Variants in RGS7 observed in about 807,000 individuals in gnomAD.
The protein encoded by RGS7 is regulator of G-protein signaling 7.
Under a neutral mutation model 81.1 loss-of-function variants are expected in RGS7, and 27 were observed. The observed-to-expected ratio is 0.33, with a 90% CI of 0.25 to 0.46. RGS7 has a LOEUF of 0.46. Among genes scored for constraint, RGS7 ranks in the 20% least tolerant of loss-of-function variants. RGS7 has a pLI of 1.00. For synonymous variants in RGS7, 208 were observed against 207.7 expected, an observed-to-expected ratio of 1.00 and a Z score of -0.01; for missense variants, 396 against 607.4, an observed-to-expected ratio of 0.65 and a Z score of 3.66.
chr1:241,340,115 C>A (rs1180769656), intron 2 of RGS7, among the ~76,000 whole-genome samples: 1 of 152,124 alleles, frequency 6.6e-6, no homozygotes, highest in Non-Finnish European at 1.5e-5. Context: ...TTGTTGGAAT[C>A]CATTCAAATT....
chr1:241,288,153 T>C (rs10926454), intron 2 of RGS7, among the ~76,000 whole-genome samples: 18,793 of 152,280 alleles, frequency 0.12, 1,299 homozygotes, highest in Middle Eastern at 0.17. Context: ...TTGTGAAGTT[T>C]TTGGCAATGC....
At chr1:241,261,189 A>G (rs2077314456) in intron 2 of RGS7, among the ~76,000 whole-genome samples, 1 of 152,174 alleles carries the variant, frequency 6.6e-6, no homozygotes, top group South Asian at 2.1e-4. Context: ...AGATTAGGAC[A>G]GGCACTGGGG....
At chr1:241,022,289 G>T (rs647186) in intron 3 of RGS7, among the ~76,000 whole-genome samples, 2 of 151,878 alleles carry the variant, frequency 1.3e-5, no homozygotes, top group Admixed American at 6.6e-5. Context: ...TTCATTCCTG[G>T]GTGTAGAGTG....
chr1:240,854,810 T>C (rs1335055911), intron 9 of RGS7, among the ~76,000 whole-genome samples: 2 of 151,892 alleles, frequency 1.3e-5, no homozygotes, highest in African/African-American at 4.8e-5. Flanking sequence ...TCACATCCCC[T>C]CCCCGGCCTA....
chr1:240,973,684 G>A (rs999349280), intron 4 of RGS7, among the ~76,000 whole-genome samples: 1 of 151,862 alleles, frequency 6.6e-6, no homozygotes. Context: ...CCGCCTTCTG[G>A]GTTCACGCCA....
At chr1:241,196,359 G>T (rs940460808) in intron 2 of RGS7, among the ~76,000 whole-genome samples, 6 of 151,804 alleles carry the variant, frequency 4.0e-5, no homozygotes, top group Non-Finnish European at 7.4e-5. Context: ...TATTCAAGAA[G>T]AAGTAAATTT....
At position 240,805,640 on chromosome 1, in the gene RGS7, AT is replaced by A. The variant is rs965309988; in HGVS notation, c.1269+499del. ...AAGAAATGTCAGAATCTAATGTTTG[AT>A]TTTTTTTTTCACCAGAGATAAAACT... On this transcript the variant is annotated intron_variant, in intron 15 of 18. Coordinates refer to ENST00000440928, the MANE Select transcript of RGS7 (RefSeq NM_001364886.1). Among the ~76,000 whole-genome samples, 87 of 150,286 alleles carry A rather than the reference AT, an allele frequency of 5.8e-4. No individual in the cohort carries two copies. In the Middle Eastern group the frequency reaches 0.01, roughly 18 times the overall value.
intron 2 of RGS7, among the ~76,000 whole-genome samples, chr1:241,130,965 T>C (rs887359842): frequency 1.3e-5 from 2 of 150,292 alleles, no homozygotes; most frequent in Admixed American, 6.6e-5. Context: ...CAGATAATTC[T>C]ACTCTGGAAG....
In RGS7 at chr1:240,960,206, C is replaced by CTCT. The variant is rs1553367157; in HGVS notation, c.226+22870_226+22872dup. ...TATTGATTTGCTTTTCTTCTTCTTC[C>CTCT]TCTTCTTCTTCTTTTTTTTTTTTTT... is the stretch of plus-strand genomic sequence containing the variant. On this transcript the variant is annotated intron_variant, in intron 4 of 18. Transcript: ENST00000440928. Among the ~76,000 whole-genome samples the CTCT allele has an allele frequency of 3.4e-3, 223 of 65,462 alleles. 89 individuals are homozygous for CTCT. The highest frequency in any genetic ancestry group is 0.024 in the Middle Eastern group (2 of 82). The allele number at this position is 65,462 out of a possible 152,430, so 42.9% of individuals were successfully genotyped here. A position where few individuals can be genotyped will look rare whatever the true frequency, so the allele number is the denominator to read the frequency against.
intron 2 of RGS7, among the ~76,000 whole-genome samples, chr1:241,127,794 G>A (rs2066775565): frequency 6.6e-6 from 1 of 152,156 alleles, no homozygotes; most frequent in African/African-American, 2.4e-5. Context: ...GTATATAGAT[G>A]TATGTATTTG....
At chr1:241,047,733 C>CTTTTTTT (rs34738551) in intron 3 of RGS7, among the ~76,000 whole-genome samples, 166 of 89,502 alleles carry the variant, frequency 1.9e-3, no homozygotes, top group Non-Finnish European at 2.1e-3. Flanking sequence ...GTTTACAATC[C>CTTTTTTT]TTTTTTTTTT....
chr1:241,116,414 T>C (rs1294494384), intron 2 of RGS7, among the ~76,000 whole-genome samples: 3 of 152,130 alleles, frequency 2.0e-5, no homozygotes, highest in African/African-American at 7.2e-5. Flanking sequence ...GTTTTTCTAT[T>C]AGTGTGAATT....
intron 2 of RGS7, among the ~76,000 whole-genome samples, chr1:241,268,804 C>T (rs1455611872): frequency 1.3e-5 from 2 of 152,136 alleles, no homozygotes; most frequent in Non-Finnish European, 2.9e-5. Flanking sequence ...GTCTCCACTC[C>T]TCCAACCCCT....
intron 2 of RGS7, among the ~76,000 whole-genome samples, chr1:241,102,762 A>G (rs1347251767): frequency 6.6e-6 from 1 of 152,174 alleles, no homozygotes; most frequent in Admixed American, 6.5e-5. Context: ...ACAGGCATCC[A>G]TAACTTGTCC....
intron 3 of RGS7, among the ~76,000 whole-genome samples, chr1:240,998,060 T>C (rs1687561762): frequency 6.6e-6 from 1 of 152,164 alleles, no homozygotes; most frequent in Non-Finnish European, 1.5e-5. Flanking sequence ...TCAGGAAAAA[T>C]GTTTGCTGGG....
intron 2 of RGS7, among the ~76,000 whole-genome samples, chr1:241,344,191 G>GT (rs748873287): frequency 6.6e-6 from 1 of 152,102 alleles, no homozygotes; most frequent in Non-Finnish European, 1.5e-5. Context: ...GTGCATGAAG[G>GT]TTCTTTATAT....
intron 6 of RGS7, among the ~76,000 whole-genome samples, chr1:240,902,820 C>G (rs911600099): frequency 2.6e-5 from 4 of 152,100 alleles, no homozygotes; most frequent in Admixed American, 6.5e-5. Context: ...ATATTAGTAA[C>G]TTATCATAAC....
chr1:241,021,819 A>G (rs958564890), intron 3 of RGS7, among the ~76,000 whole-genome samples: 2 of 152,214 alleles, frequency 1.3e-5, no homozygotes, highest in African/African-American at 4.8e-5. Flanking sequence ...TTGAAGCACT[A>G]ACCACTCGGG....
chr1:240,852,903 G>A (rs1660368269), intron 9 of RGS7, among the ~76,000 whole-genome samples: 1 of 152,164 alleles, frequency 6.6e-6, no homozygotes, highest in South Asian at 2.1e-4. Flanking sequence ...ACTTGATGAA[G>A]GAAAAGACCA....
Sources: allele counts gnomAD v4.1 joint callset (sites outside exome capture counted in the v4.1 genomes callset), GRCh38; gene constraint gnomAD v4.1.1; transcripts MANE v1.5; gene names NCBI Gene and HGNC (gene_info 2026-07-23, HGNC 2026-07-21).